The following SEMA3A variants were observed in gnomAD, a reference collection of about 807,000 sequenced individuals.
The protein encoded by SEMA3A is semaphorin 3A.
In SEMA3A, 29 loss-of-function variants were observed where a neutral mutation model predicts 97.9. The ratio of observed to expected loss-of-function variants is 0.30; its 90% CI spans 0.22 to 0.40. SEMA3A has a LOEUF of 0.40. SEMA3A is among the 10% of genes least tolerant of loss of function. SEMA3A has a pLI of 1.00. For synonymous variants in SEMA3A, 321 were observed against 323.7 expected, an observed-to-expected ratio of 0.99 and a Z score of 0.09; for missense variants, 763 against 951.3, an observed-to-expected ratio of 0.80 and a Z score of 2.60.
chr7:84,408,199 A>G (rs1045034105), intron 1 of SEMA3A, among the ~76,000 whole-genome samples: 1 of 152,206 alleles, frequency 6.6e-6, no homozygotes, highest in African/African-American at 2.4e-5. Context: ...TTTACAAGAA[A>G]AAAACAAACA....
intron 6 of SEMA3A, among the ~76,000 whole-genome samples, chr7:84,017,184 C>T (rs1423334349): frequency 6.6e-6 from 1 of 152,148 alleles, no homozygotes; most frequent in Non-Finnish European, 1.5e-5. Context: ...TTCTTATGTT[C>T]TCTTGGTGTT....
chr7:84,347,503 C>A (rs1327599698), intron 2 of SEMA3A, among the ~76,000 whole-genome samples: 1 of 151,692 alleles, frequency 6.6e-6, no homozygotes, highest in African/African-American at 2.4e-5. Context: ...CCTCTGCCTC[C>A]CGGGTTCAAG....
At chr7:84,068,563 A>T (rs941038811) in intron 4 of SEMA3A, among the ~76,000 whole-genome samples, 3 of 152,134 alleles carry the variant, frequency 2.0e-5, no homozygotes, top group South Asian at 4.1e-4. Context: ...ACAGACTAAA[A>T]GAAGCAGCAG....
intron 15 of SEMA3A, among the ~76,000 whole-genome samples, chr7:83,966,625 C>T (rs1317016672): frequency 6.6e-6 from 1 of 152,132 alleles, no homozygotes; most frequent in Non-Finnish European, 1.5e-5. Context: ...TACAGCGATA[C>T]TATTGTATTT....
chr7:84,199,854 G>A (rs909527161), upstream of SEMA3A, among the ~76,000 whole-genome samples: 4 of 152,052 alleles, frequency 2.6e-5, no homozygotes, highest in African/African-American at 9.7e-5. Context: ...AGTGATTTAG[G>A]AACTACTGTA....
chr7:84,122,389 C>A (rs1795649335), intron 3 of SEMA3A, among the ~76,000 whole-genome samples: 1 of 152,004 alleles, frequency 6.6e-6, no homozygotes, highest in African/African-American at 2.4e-5. Context: ...CCATCTCACA[C>A]CAGTTAGAAT....
At chr7:84,177,221 G>C (rs928692169) in intron 1 of SEMA3A, among the ~76,000 whole-genome samples, 3 of 152,096 alleles carry the variant, frequency 2.0e-5, no homozygotes, top group African/African-American at 7.2e-5. Context: ...AGCATTTACT[G>C]TATGTAGCTG....
chr7:84,081,520 G>A (rs938253080), intron 4 of SEMA3A, among the ~76,000 whole-genome samples: 1 of 151,690 alleles, frequency 6.6e-6, no homozygotes, highest in Non-Finnish European at 1.5e-5. Context: ...GTGAACCCGG[G>A]AGGCGGAGCT....
chr7:84,255,680 A>G (rs765096698), intron 3 of SEMA3A, among the ~76,000 whole-genome samples: 1 of 152,194 alleles, frequency 6.6e-6, no homozygotes, highest in Non-Finnish European at 1.5e-5. Context: ...TTTTATGCTA[A>G]GGTCACATTC....
At chr7:84,270,479 C>A (rs1800116048) in intron 3 of SEMA3A, among the ~76,000 whole-genome samples, 2 of 150,366 alleles carry the variant, frequency 1.3e-5, no homozygotes, top group Non-Finnish European at 3.0e-5. Context: ...CAGCCTTTGG[C>A]AATAATATCT....
At chr7:84,267,372 C>T (rs1008966641) in intron 3 of SEMA3A, among the ~76,000 whole-genome samples, 13 of 152,050 alleles carry the variant, frequency 8.5e-5, no homozygotes, top group African/African-American at 3.1e-4. Context: ...AACAACTTCT[C>T]AATGGAGGAA....
rs35519031 is a variant in SEMA3A, at chr7:84,203,526, ATTT to A, written c.-82-8861_-82-8859del. ...TGTATATATATATATATATATATAT[ATTT>A]TTTTTTTTTTTTTTTTTCTGAGATA... On this transcript the variant is annotated intron_variant, in intron 3 of 3. Coordinates refer to the SEMA3A transcript ENST00000424555. 1.9e-3 allele frequency among the ~76,000 whole-genome samples: 48 copies of A among 25,670 alleles called. No individual in the cohort carries two copies. In the South Asian group the frequency reaches 0.02, roughly 11 times the overall value. 16.8% of individuals were successfully genotyped at this position (25,670 alleles called of 152,430 possible). A position where few individuals can be genotyped will look rare whatever the true frequency, so the allele number is the denominator to read the frequency against.
intron 10 of SEMA3A, among the ~76,000 whole-genome samples, chr7:84,005,891 G>T (rs902521095): frequency 2.6e-5 from 4 of 152,150 alleles, no homozygotes; most frequent in African/African-American, 9.7e-5. Context: ...GGAGGTTGCA[G>T]TGAACTGAGA....
intron 1 of SEMA3A, among the ~76,000 whole-genome samples, chr7:84,155,625 A>G (rs922274345): frequency 6.6e-6 from 1 of 152,114 alleles, no homozygotes; most frequent in African/African-American, 2.4e-5. Flanking sequence ...TCATTATCTT[A>G]ATCTAATCAT....
chr7:84,481,716 A>G (rs1055172893), intron 1 of SEMA3A, among the ~76,000 whole-genome samples: 1 of 152,092 alleles, frequency 6.6e-6, no homozygotes, highest in African/African-American at 2.4e-5. Context: ...CAGTGTCTAT[A>G]GCTTGACAGA....
chr7:84,255,987 T>G (rs1383301458), intron 3 of SEMA3A, among the ~76,000 whole-genome samples: 1 of 152,060 alleles, frequency 6.6e-6, no homozygotes, highest in Non-Finnish European at 1.5e-5. Context: ...ATATAATATA[T>G]AATTAGCATC....
At chr7:84,433,276 T>A (rs1805036986) in intron 1 of SEMA3A, among the ~76,000 whole-genome samples, 1 of 149,618 alleles carries the variant, frequency 6.7e-6, no homozygotes, top group Non-Finnish European at 1.5e-5. Flanking sequence ...CCTCCCTGTG[T>A]CCATGTGTTC....
chr7:84,051,203 G>C (rs1317614127), intron 5 of SEMA3A, among the ~76,000 whole-genome samples: 1 of 149,668 alleles, frequency 6.7e-6, no homozygotes, highest in Non-Finnish European at 1.5e-5. Flanking sequence ...GCTCTTTTTT[G>C]GTTCCATATG....
intron 3 of SEMA3A, among the ~76,000 whole-genome samples, chr7:84,271,527 A>G (rs1800153037): frequency 6.6e-6 from 1 of 152,168 alleles, no homozygotes; most frequent in Non-Finnish European, 1.5e-5. Context: ...CACAAATGTA[A>G]ATAAAGAGAA....
Sources: allele counts gnomAD v4.1 joint callset (sites outside exome capture counted in the v4.1 genomes callset), GRCh38; gene constraint gnomAD v4.1.1; transcripts MANE v1.5; gene names NCBI Gene and HGNC (gene_info 2026-07-23, HGNC 2026-07-21).